Variants in PPL observed in about 807,000 individuals in gnomAD.
PPL encodes 190 kDa paraneoplastic pemphigus antigen.
PPL carries 198 observed loss-of-function variants against 194.4 expected under a neutral mutation model. That is an observed-to-expected ratio of 1.02 (90% CI 0.91 to 1.15). PPL has a LOEUF of 1.15. PPL is among the 50% of genes most tolerant of loss of function. PPL has a pLI of 0.00. For synonymous variants in PPL, 1,220 were observed against 972.4 expected, an observed-to-expected ratio of 1.25 and a Z score of -4.74; for missense variants, 2,885 against 2,294.8, an observed-to-expected ratio of 1.26 and a Z score of -5.25.
chr16:4,895,363 C>A lies in PPL; in HGVS notation c.1140G>T (p.Gly380=). 5 of 1,613,434 alleles carry A rather than the reference C, an allele frequency of 3.1e-6. No homozygotes were observed. The highest frequency in any genetic ancestry group is 4.2e-6 in the Non-Finnish European group (5 of 1,179,992). The change falls in exon 11 of 22, where the codon GGG becomes GGT. Residue 380 remains glycine (G), a synonymous_variant. Transcript: ENST00000345988. ...VLDKYEDVVQ[G]LQKRGQQVVP... ...CCACCTGCTGGCCTCGCTTCTGCAGCCCCTGCACCACGTCCTCATACTTGT... is the reference window on the plus strand; with the variant it reads ...CCACCTGCTGGCCTCGCTTCTGCAGACCCTGCACCACGTCCTCATACTTGT...
rs764190511 is a variant in PPL, at chr16:4,883,926, G to T, written c.4729C>A (p.Leu1577Met). The T allele has an allele frequency of 6.2e-7, 1 of 1,614,008 alleles. No homozygotes were observed. Among genetic ancestry groups the T allele is most frequent in the South Asian group, 1.1e-5 (1 of 91,084 alleles). Residue 1577 changes from leucine (L) to methionine (M), a missense_variant, in exon 22 of 22, where the codon CTG becomes ATG. By Grantham distance (15) the Leu-to-Met change is conservative (BLOSUM62 2). Transcript: ENST00000345988. The surrounding 1 kb of genome is among the most constrained non-coding windows in gnomAD (Gnocchi z 4.8). ...TCCGATTGGAGCCTTCGGGTCTCCA[G>T]CTGCAGGTTTTGCCTCTCCAGCTGT... Reference protein sequence around the residue: ...KLQLERQNLQLETRRLQSEIN... With the variant: ...KLQLERQNLQMETRRLQSEIN...
chr16:4,895,908 G>C (rs1664675640), intron 9 of PPL, among the ~76,000 whole-genome samples, 192 bp from the exon 10 acceptor site: 1 of 152,158 alleles, frequency 6.6e-6, no homozygotes, highest in African/African-American at 2.4e-5. Flanking sequence ...TGGCTCCTTA[G>C]GGGCCTCACT....
chr16:4,909,683 T>G (rs1277904737), intron 2 of PPL, among the ~76,000 whole-genome samples: 1 of 152,116 alleles, frequency 6.6e-6, no homozygotes, highest in Admixed American at 6.5e-5. Flanking sequence ...CACCTCGGCC[T>G]CCCAAAGTAC....
rs74003557 is a variant in PPL, at chr16:4,897,459, C to G, written c.972+216G>C. Among the ~76,000 whole-genome samples, 1,120 of 152,074 alleles carry G rather than the reference C, an allele frequency of 7.4e-3. 9 individuals carry two copies. The highest frequency in any genetic ancestry group is 0.026 in the African/African-American group (1,063 of 41,486). ...CCCATGTGACCTGGGGAATCAGACT[C>G]TGGCCCTGGTCCCCAGGGAAGTTGG... On this transcript the variant is annotated intron_variant, in intron 9 of 21. Transcript: ENST00000345988.
rs2088320253 is a variant in PPL at position 4,891,581 on chromosome 16, G to A, written c.1968+230C>T. On this transcript the variant is annotated intron_variant, in intron 16 of 21. Coordinates refer to ENST00000345988, the MANE Select transcript of PPL (RefSeq NM_002705.5). ...GGCATGTGCCACTACACTGGCTATT[G>A]CAGATATTTGATCTTAAAATGCTGG... is the stretch of plus-strand genomic sequence containing the variant. 7.7e-6 allele frequency: 4 copies of A among 517,588 alleles called. No individual in the cohort carries two copies. In the East Asian group the frequency reaches 1.3e-4, roughly 17 times the overall value. The allele number at this position is 517,588 out of a possible 1,614,324, so 32.1% of individuals were successfully genotyped here. A position where few individuals can be genotyped will look rare whatever the true frequency, so the allele number is the denominator to read the frequency against.
intron 1 of PPL, among the ~76,000 whole-genome samples, chr16:4,915,994 C>T (rs57376766): frequency 1.5e-3 from 236 of 152,264 alleles, no homozygotes; most frequent in African/African-American, 5.4e-3. Context: ...GAGCCCAAAA[C>T]CACACCGGGA....
chr16:4,903,882 C>T lies in PPL; in HGVS notation c.317+4G>A. On this transcript the variant is annotated splice_donor_region_variant and intron_variant, in intron 3 of 21. Transcript: ENST00000345988. ...CCCTGGGGTAAGAAGCAGAAGGGAC[C>T]TACTCCTCGGCGATCATGTCCCCCT... 6.2e-7 allele frequency: 1 copy of T among 1,613,890 alleles called. No homozygotes were observed. The highest frequency in any genetic ancestry group is 8.5e-7 in the Non-Finnish European group (1 of 1,180,014).
intron 1 of PPL, among the ~76,000 whole-genome samples, chr16:4,935,104 G>T (rs2089279275): frequency 1.3e-5 from 2 of 152,172 alleles, no homozygotes; most frequent in Non-Finnish European, 2.9e-5. Flanking sequence ...GCTGCCTTGG[G>T]CCAGATATAC....
intron 12 of PPL, among the ~76,000 whole-genome samples, chr16:4,894,049 G>C (rs2088371472): frequency 6.6e-6 from 1 of 152,182 alleles, no homozygotes; most frequent in Admixed American, 6.5e-5. Context: ...AAGGAGCCCA[G>C]GCCCAATGAG....
intron 3 of PPL, among the ~76,000 whole-genome samples, chr16:4,903,100 C>T (rs572145825): frequency 6.6e-6 from 1 of 152,312 alleles, no homozygotes; most frequent in South Asian, 2.1e-4. Flanking sequence ...TTTCTGGAGT[C>T]TGCCATCCAG....
chr16:4,889,775 C>A (rs1011110546), intron 18 of PPL, among the ~76,000 whole-genome samples: 18 of 152,174 alleles, frequency 1.2e-4, no homozygotes, highest in Non-Finnish European at 2.2e-4. Context: ...ATGGGGTGGA[C>A]CCGGGATTTG....
chr16:4,883,970 C>G lies in PPL; in HGVS notation c.4685G>C (p.Arg1562Thr). The G allele has an allele frequency of 4.3e-6, 7 of 1,614,078 alleles. No homozygotes were observed. The highest frequency in any genetic ancestry group is 5.9e-6 in the Non-Finnish European group (7 of 1,180,028). The change falls in exon 22 of 22, where the codon AGG (arginine) becomes ACG (threonine). Residue 1562 changes from arginine (R) to threonine (T), a missense_variant. Physicochemically the swap from Arg to Thr is moderately conservative, Grantham distance 71. Transcript: ENST00000345988. The surrounding 1 kb of genome is among the most constrained non-coding windows in gnomAD (Gnocchi z 4.8). ...SKSSKELDFL[R>T]EENHKLQLER... is the part of the protein sequence containing the mutation. ...CAGCTGTAATTTGTGGTTCTCTTCC[C>G]TCAGAAAGTCTAGTTCCTTGGATGA...
chr16:4,923,507 T>C (rs1476237017), intron 1 of PPL, among the ~76,000 whole-genome samples: 1 of 152,166 alleles, frequency 6.6e-6, no homozygotes, highest in Non-Finnish European at 1.5e-5. Context: ...GGAAGGGGGC[T>C]CCCTGGGTGG....
rs1181547352 is a variant in PPL at position 4,937,140 on chromosome 16, G to A, written c.-95C>T. On this transcript the variant is annotated 5_prime_UTR_variant, in exon 1 of 22. Coordinates refer to ENST00000345988, the MANE Select transcript of PPL (RefSeq NM_002705.5). Reference sequence around the variant, plus strand: ...AGGTGAGCGAGCGGCGGCGCGGGGAGCCCGGACTGCGGCGCGGCAGTGGCT... The same window carrying A: ...AGGTGAGCGAGCGGCGGCGCGGGGAACCCGGACTGCGGCGCGGCAGTGGCT... The A allele has an allele frequency of 9.3e-6, 8 of 855,844 alleles. No individual in the cohort carries two copies. The highest frequency in any genetic ancestry group is 1.1e-5 in the Non-Finnish European group (8 of 700,606). 53.0% of individuals were successfully genotyped at this position (855,844 alleles called of 1,614,324 possible).
chr16:4,891,523 C>T (rs2088319221), intron 16 of PPL: 1 of 335,798 alleles, frequency 3.0e-6, no homozygotes, highest in Non-Finnish European at 5.4e-6. Flanking sequence ...CTCAAGCAAT[C>T]CTGCCCCAGC....
intron 18 of PPL, among the ~76,000 whole-genome samples, 180 bp from the exon 19 acceptor site, chr16:4,889,241 G>GTTTTTTTTTTTTTTTTT (rs869094472): frequency 1.5e-5 from 1 of 66,632 alleles, no homozygotes; most frequent in African/African-American, 7.6e-5. Flanking sequence ...TGTTGTTGTT[G>GTTTTTTTTTTTTTTTTT]TTTTTTTTTT....
chr16:4,900,902 G>A (rs1267186562), intron 5 of PPL, 31 bp from the exon 6 acceptor site: 2 of 1,613,950 alleles, frequency 1.2e-6, no homozygotes, highest in Admixed American at 1.7e-5. Flanking sequence ...ATGGGTCAGG[G>A]CCAGGAAGCA....
intron 2 of PPL, among the ~76,000 whole-genome samples, chr16:4,906,338 C>A (rs553839927): frequency 4.6e-4 from 70 of 152,262 alleles, no homozygotes; most frequent in African/African-American, 1.7e-3. Context: ...CATTATCCTG[C>A]CTCAGCCTCC....
At chr16:4,894,788 C>T (rs2088388965) in intron 11 of PPL, among the ~76,000 whole-genome samples, 170 bp from the exon 12 acceptor site, 1 of 152,166 alleles carries the variant, frequency 6.6e-6, no homozygotes, top group Non-Finnish European at 1.5e-5. Context: ...GTTGAGGCTG[C>T]CGGCCCAGCA....
Sources: allele counts gnomAD v4.1 joint callset (sites outside exome capture counted in the v4.1 genomes callset), GRCh38; gene constraint gnomAD v4.1.1; non-coding constraint Gnocchi (gnomAD v3.1); transcripts MANE v1.5; gene names NCBI Gene and HGNC (gene_info 2026-07-23, HGNC 2026-07-21).